RPS6KA2: variants seen among roughly 807,000 people sequenced by gnomAD.
RPS6KA2 encodes ribosomal protein S6 kinase A2.
RPS6KA2 carries 42 observed loss-of-function variants against 91.8 expected under a neutral mutation model. The observed-to-expected ratio is 0.46, with a 90% CI of 0.36 to 0.59. The LOEUF (loss-of-function observed/expected upper bound fraction) is 0.59. Among genes scored for constraint, RPS6KA2 ranks in the 20% least tolerant of loss-of-function variants. The pLI is 0.00. For missense variants in RPS6KA2, 798 were observed against 978.5 expected (o/e 0.82, Z 2.46); for synonymous variants, 414 against 393.6 (o/e 1.05, Z -0.61).
intron 2 of RPS6KA2, among the ~76,000 whole-genome samples, chr6:166,776,206 T>C (rs1158859310): frequency 6.6e-6 from 1 of 152,108 alleles, no homozygotes; most frequent in African/African-American, 2.4e-5. Flanking sequence ...GAGAATGATC[T>C]CGCTACACCC....
intron 2 of RPS6KA2, among the ~76,000 whole-genome samples, chr6:166,688,941 T>C (rs1428406344): frequency 6.6e-6 from 1 of 152,240 alleles, no homozygotes. Context: ...ATGCACAGCC[T>C]GAATGCAGAG....
At chr6:166,833,709 T>C (rs1442246637) in intron 2 of RPS6KA2, among the ~76,000 whole-genome samples, 2 of 152,208 alleles carry the variant, frequency 1.3e-5, no homozygotes, top group Non-Finnish European at 2.9e-5. Context: ...GTTCCTTTCA[T>C]TGCAGAGAAG....
chr6:166,493,274 C>T lies in RPS6KA2; in HGVS notation c.748-2533G>A, dbSNP rs1781669815. ...GAGGTGTGGACTTTGCAGCCTCCAC[C>T]AGCCATGGGGTTCTGCTGCCTTTCC... On this transcript the variant is annotated intron_variant, in intron 8 of 20. Transcript: ENST00000265678. The surrounding 1 kb of genome is among the most constrained non-coding windows in gnomAD (Gnocchi z 4.7). 6.6e-6 allele frequency among the ~76,000 whole-genome samples: 1 copy of T among 152,132 alleles called. No homozygotes were observed. Among genetic ancestry groups the T allele is most frequent in the African/African-American group, 2.4e-5 (1 of 41,428 alleles).
intron 2 of RPS6KA2, among the ~76,000 whole-genome samples, chr6:166,738,631 T>C (rs1583063592): frequency 6.6e-6 from 1 of 152,194 alleles, no homozygotes; most frequent in South Asian, 2.1e-4. Context: ...GCCCTGGACA[T>C]GTTACCAGTA....
chr6:166,413,674 G>T, intron 20 of RPS6KA2, 120 bp downstream of exon 20: 1 of 1,042,076 alleles, frequency 9.6e-7, no homozygotes, highest in Non-Finnish European at 1.4e-6. Flanking sequence ...GGTGCAGTTT[G>T]GGGCTGCTAT....
Position 166,423,432 on chromosome 6 carries a change from G to A in RPS6KA2, c.1582-15C>T. The A allele has an allele frequency of 6.3e-7, 1 of 1,599,602 alleles. No individual in the cohort carries two copies. Among genetic ancestry groups the A allele is most frequent in the Non-Finnish European group, 8.6e-7 (1 of 1,168,424 alleles). On this transcript the variant is annotated splice_polypyrimidine_tract_variant and intron_variant, in intron 16 of 20. Transcript: ENST00000265678. The surrounding 1 kb of genome is among the most constrained non-coding windows in gnomAD (Gnocchi z 4.8). The stretch of plus-strand genomic sequence containing the variant: ...CGATGAACAACCTGCAAGACAGAAG[G>A]CACAGTGCCTACTTGGGGGCTGAGG...
chr6:166,501,353 C>G (rs573122160), intron 6 of RPS6KA2, among the ~76,000 whole-genome samples: 1 of 152,310 alleles, frequency 6.6e-6, no homozygotes, highest in Admixed American at 6.5e-5. Context: ...GTCCAAAGAC[C>G]CCCTTCTTCT....
At position 166,682,928 on chromosome 6, in the gene RPS6KA2, A is replaced by G. The variant is rs540399214; in HGVS notation, c.124-144144T>C. On this transcript the variant is annotated intron_variant, in intron 2 of 21. Transcript: ENST00000503859. ...CCAGCTTTATAACCACATTCCTTAGACCCAAACCAATGAGTTGAAGGCATG... is the reference window on the plus strand; with the variant it reads ...CCAGCTTTATAACCACATTCCTTAGGCCCAAACCAATGAGTTGAAGGCATG... Among the ~76,000 whole-genome samples the G allele has an allele frequency of 3.3e-5, 5 of 152,268 alleles. No individual in the cohort carries two copies. The South Asian group carries it at 8.3e-4, about 25-fold the overall frequency.
chr6:166,539,886 C>T (rs1783600131), intron 1 of RPS6KA2, among the ~76,000 whole-genome samples: 1 of 152,248 alleles, frequency 6.6e-6, no homozygotes, highest in South Asian at 2.1e-4. Context: ...TCTATACATT[C>T]GTACACCCCT....
intron 1 of RPS6KA2, chr6:166,858,264 T>A: frequency 6.6e-7 from 1 of 1,513,204 alleles, no homozygotes; most frequent in Non-Finnish European, 9.1e-7. Flanking sequence ...TGTGGTCTGA[T>A]AACAAAGATA....
intron 2 of RPS6KA2, among the ~76,000 whole-genome samples, chr6:166,633,297 G>A (rs1233289019): frequency 6.6e-6 from 1 of 152,234 alleles, no homozygotes; most frequent in Non-Finnish European, 1.5e-5. Flanking sequence ...TTGGGGCAGA[G>A]TAAAGGGGTG....
At chr6:166,686,050 G>T (rs952706731) in intron 2 of RPS6KA2, among the ~76,000 whole-genome samples, 1 of 152,176 alleles carries the variant, frequency 6.6e-6, no homozygotes, top group Non-Finnish European at 1.5e-5. Context: ...GAATGACTGG[G>T]ATAAGCCAGG....
At chr6:166,615,837 C>T (rs1786388990) in intron 1 of RPS6KA2, among the ~76,000 whole-genome samples, 3 of 152,190 alleles carry the variant, frequency 2.0e-5, no homozygotes, top group Middle Eastern at 3.2e-3. Flanking sequence ...CCATTGAGGA[C>T]TTGCCCACTC....
intron 2 of RPS6KA2, among the ~76,000 whole-genome samples, chr6:166,765,702 T>C (rs1045555912): frequency 6.6e-6 from 1 of 152,176 alleles, no homozygotes; most frequent in East Asian, 1.9e-4. Context: ...CATCTTACTT[T>C]TTTGAAAGGC....
chr6:166,517,413 C>G (rs1251468548), intron 3 of RPS6KA2, among the ~76,000 whole-genome samples: 2 of 151,312 alleles, frequency 1.3e-5, no homozygotes, highest in East Asian at 3.9e-4. Flanking sequence ...GACAGCATGG[C>G]CCACCCAGGG....
At chr6:166,708,968 G>A (rs533616852) in intron 2 of RPS6KA2, among the ~76,000 whole-genome samples, 1 of 152,340 alleles carries the variant, frequency 6.6e-6, no homozygotes, top group East Asian at 1.9e-4. Flanking sequence ...ATATGAAATA[G>A]AAGTGACACA....
chr6:166,458,159 C>A (rs568143246), intron 12 of RPS6KA2, among the ~76,000 whole-genome samples: 24 of 152,258 alleles, frequency 1.6e-4, no homozygotes, highest in Non-Finnish European at 2.6e-4. Context: ...AGCTTTGTGT[C>A]CCCACCCAAA....
At chr6:166,779,313 C>T (rs1778706663) in intron 2 of RPS6KA2, among the ~76,000 whole-genome samples, 1 of 152,170 alleles carries the variant, frequency 6.6e-6, no homozygotes, top group Non-Finnish European at 1.5e-5. Context: ...GCCTTCCGTC[C>T]AGTAAAGATT....
rs2128624750 is a variant in RPS6KA2, at chr6:166,825,492, AG to A, written c.123+32707del. ...GACCCAGATCCTGGCAAATCATTAT[AG>A]TCCCTTCAGGGTGCTACTTAGCTAC... On this transcript the variant is annotated intron_variant, in intron 2 of 21. Coordinates refer to the RPS6KA2 transcript ENST00000503859. This position sits in a 1 kb window ranked among gnomAD's most constrained non-coding sequence, Gnocchi z 4.1. Among the ~76,000 whole-genome samples the A allele has an allele frequency of 6.6e-6, 1 of 152,272 alleles. No individual in the cohort carries two copies. The highest frequency in any genetic ancestry group is 2.4e-5 in the African/African-American group (1 of 41,566).
Sources: gnomAD v4.1 joint callset for allele counts (sites outside exome capture counted in the v4.1 genomes callset) on GRCh38, gnomAD v4.1.1 for gene constraint, Gnocchi (gnomAD v3.1) non-coding constraint, MANE v1.5 for transcripts, NCBI Gene and HGNC (gene_info 2026-07-23, HGNC 2026-07-21) for gene names.